The following PKD1 variants were observed in gnomAD, a reference collection of about 807,000 sequenced individuals.
PKD1 encodes polycystin 1, transient receptor potential channel interacting.
In PKD1, 81 loss-of-function variants were observed where a neutral mutation model predicts 361.7. The ratio of observed to expected loss-of-function variants is 0.22; its 90% CI spans 0.19 to 0.27. PKD1 has a LOEUF of 0.27. PKD1 is among the 10% of genes least tolerant of loss of function. PKD1 has a pLI of 1.00. For synonymous variants in PKD1, 3,615 were observed against 2,818.3 expected (o/e 1.28, Z -8.95); for missense variants, 6,399 against 6,118.3 (o/e 1.05, Z -1.53).
chr16:2,101,201 G>A (rs2151745111), intron 26 of PKD1, among the ~76,000 whole-genome samples: 1 of 152,210 alleles, frequency 6.6e-6, no homozygotes, highest in East Asian at 1.9e-4. Context: ...TAGCCAGGAT[G>A]GTCTCGATCT....
rs2091292629 is a variant in PKD1, at chr16:2,088,994, C to A, written c.*733G>T. 3.7e-6 allele frequency: 1 copy of A among 266,912 alleles called. No individual in the cohort carries two copies. 16.5% of individuals were successfully genotyped at this position (266,912 alleles called of 1,614,324 possible). On this transcript the variant is annotated 3_prime_UTR_variant, in exon 46 of 46. Coordinates refer to ENST00000262304, the MANE Select transcript of PKD1 (RefSeq NM_001009944.3). ...TGACATGCCTAGTCCTGCTACTTGC[C>A]CAGACCTGATGCCAGCAGGCCTGGG...
Position 2,116,558 on chromosome 16 carries a change from C to T in PKD1, c.1693G>A (p.Gly565Ser), listed in dbSNP as rs376580933. The change falls in exon 8 of 46, where the codon GGC becomes AGC. Residue 565 changes from glycine (G) to serine (S), a missense_variant. Transcript: ENST00000262304. ...ACGGGCTCGTGCGGGGCTGAGAGGCCGTCCTGCTGTGCCAGAGGCGTCAGG... is the reference window on the plus strand; with the variant it reads ...ACGGGCTCGTGCGGGGCTGAGAGGCTGTCCTGCTGTGCCAGAGGCGTCAGG... The part of the protein sequence containing the change: ...GPLTPLAQQD[G>S]LSAPHEPVEV... The T allele has an allele frequency of 6.4e-6, 10 of 1,563,684 alleles. No homozygotes were observed. The highest frequency in any genetic ancestry group is 4.1e-5 in the African/African-American group (3 of 73,808).
chr16:2,108,160 A>C, intron 15 of PKD1, 92 bp downstream of exon 15: 1 of 1,471,702 alleles, frequency 6.8e-7, no homozygotes, highest in South Asian at 1.2e-5. Context: ...GGCACTGAGG[A>C]CGGGCCAGCC....
chr16:2,110,256 C>G lies in PKD1; in HGVS notation c.4911G>C (p.Val1637=), dbSNP rs1433571311. 1 of 1,612,308 alleles carries G rather than the reference C, an allele frequency of 6.2e-7. No homozygotes were observed. Residue 1637 remains valine, a synonymous_variant, in exon 15 of 46, where the codon GTG becomes GTC. Transcript: ENST00000262304. ...TGGGGAAGTAGCGGCCACCGCCCAC[C>G]ACCTGCAGCCCCTCTATGAGCTGCA... ...YVLQLIEGLQ[V]VGGGRYFPTN...
In PKD1 at chr16:2,089,187, G is replaced by GTGTT. The variant is rs1250555041; in HGVS notation, c.*536_*539dup. On this transcript the variant is annotated 3_prime_UTR_variant, in exon 46 of 46. Coordinates refer to ENST00000262304, the MANE Select transcript of PKD1 (RefSeq NM_001009944.3). ...CCACCACACCTACCAAGCGCAGCAG[G>GTGTT]TGTTGGGGGAGGCCAGCTCTGGGCG... is the stretch of plus-strand genomic sequence containing the variant. 1 of 174,974 alleles carries GTGTT rather than the reference G, an allele frequency of 5.7e-6. No homozygotes were observed. The highest frequency in any genetic ancestry group is 1.4e-4 in the South Asian group (1 of 7,036). 10.8% of individuals were successfully genotyped at this position (174,974 alleles called of 1,614,324 possible). A position where few individuals can be genotyped will look rare whatever the true frequency, so the allele number is the denominator to read the frequency against.
intron 10 of PKD1, 83 bp from the exon 11 acceptor site, chr16:2,115,008 C>T: frequency 6.6e-7 from 1 of 1,515,882 alleles, no homozygotes; most frequent in African/African-American, 1.4e-5. Flanking sequence ...GGTGGACACG[C>T]AGGGCTCCCC....
chr16:2,126,009 G>A (rs1192261090), intron 1 of PKD1, among the ~76,000 whole-genome samples: 1 of 152,086 alleles, frequency 6.6e-6, no homozygotes, highest in South Asian at 2.1e-4. Flanking sequence ...GATGGTGGGG[G>A]GGGGGGCAAG....
rs542591257 is a variant in PKD1, at chr16:2,128,670, G to A, written c.215+6805C>T. ...ACACAGAGGGCTCAGCGCGGAGCCCGGCGTGGCCACCGCGGGGAGAGGGTG... is the reference window on the plus strand; with the variant it reads ...ACACAGAGGGCTCAGCGCGGAGCCCAGCGTGGCCACCGCGGGGAGAGGGTG... On this transcript the variant is annotated intron_variant, in intron 1 of 45. Coordinates refer to ENST00000262304, the MANE Select transcript of PKD1 (RefSeq NM_001009944.3). Among the ~76,000 whole-genome samples the A allele has an allele frequency of 5.9e-5, 9 of 152,314 alleles. No individual in the cohort carries two copies. In the East Asian group the frequency reaches 1.4e-3, roughly 23 times the overall value.
chr16:2,102,740 T>C (rs1461119541), intron 24 of PKD1, 74 bp downstream of exon 24: 10 of 1,603,220 alleles, frequency 6.2e-6, no homozygotes, highest in South Asian at 4.4e-5. Flanking sequence ...GCCGTCCCCA[T>C]GGGGCCAGTA....
Position 2,115,575 on chromosome 16 carries a change from T to A in PKD1, c.1900A>T (p.Thr634Ser), listed in dbSNP as rs1052620773. 1 of 1,593,626 alleles carries A rather than the reference T, an allele frequency of 6.3e-7. No homozygotes were observed. Among genetic ancestry groups the A allele is most frequent in the African/African-American group, 1.4e-5 (1 of 73,866 alleles). Residue 634 changes from threonine to serine, a missense_variant, in exon 10 of 46, where the codon ACC (threonine) becomes TCC (serine). Thr to Ser is a moderately conservative substitution (Grantham distance 58, BLOSUM62 1). Transcript: ENST00000262304. ...GGCATGCACGCGGGGGCCAGCTGGG[T>A]CCTGTTGTCCGGGGACCTGCTCTCA... ...EPESRSPDNR[T>S]QLAPACMPGG...
rs745926227 is a variant in PKD1 at position 2,097,928 on chromosome 16, G to T, written c.10107C>A (p.Ser3369Arg). 1 of 1,603,648 alleles carries T rather than the reference G, an allele frequency of 6.2e-7. No individual in the cohort carries two copies. Among genetic ancestry groups the T allele is most frequent in the Non-Finnish European group, 8.5e-7 (1 of 1,173,732 alleles). The change falls in exon 31 of 46, where the codon AGC (serine) becomes AGA (arginine). Residue 3369 changes from serine to arginine, a missense_variant. Coordinates refer to ENST00000262304, the MANE Select transcript of PKD1 (RefSeq NM_001009944.3). The stretch of plus-strand genomic sequence containing the variant: ...TGTCCAGCACGGACGAGTCCAGGCA[G>T]CTGTCGATGTCCAGCACCTGCTGCC... Reference protein sequence around the residue: ...PAGQQVLDIDSCLDSSVLDSS... With the variant: ...PAGQQVLDIDRCLDSSVLDSS...
In PKD1 at chr16:2,093,058, G is replaced by C; in HGVS notation, c.11052C>G (p.Thr3684=). Residue 3684 remains threonine (T), a synonymous_variant, in exon 38 of 46, where the codon ACC becomes ACG. Coordinates refer to ENST00000262304, the MANE Select transcript of PKD1 (RefSeq NM_001009944.3). ...AGGCATCCCCATAGCTGGCCAGCAGGGTCACCAGCAGAAAAAGCATGTACA... is the reference window on the plus strand; with the variant it reads ...AGGCATCCCCATAGCTGGCCAGCAGCGTCACCAGCAGAAAAAGCATGTACA... ...LLVYMLFLLV[T]LLASYGDASC... 6.2e-7 allele frequency: 1 copy of C among 1,612,866 alleles called. No homozygotes were observed. The highest frequency in any genetic ancestry group is 1.3e-5 in the African/African-American group (1 of 75,038).
rs2092188575 is a variant in PKD1 at position 2,103,478 on chromosome 16, T to G, written c.8579A>C (p.Gln2860Pro). The G allele has an allele frequency of 6.2e-7, 1 of 1,601,446 alleles. No homozygotes were observed. Among genetic ancestry groups the G allele is most frequent in the Non-Finnish European group, 8.5e-7 (1 of 1,179,660 alleles). ...TGAGGCCAGCCGCTCGATGGGGATCTGGGCGCCGGCCTGTGTCTGGAATGC... is the reference window on the plus strand; with the variant it reads ...TGAGGCCAGCCGCTCGATGGGGATCGGGGCGCCGGCCTGTGTCTGGAATGC... ...SMAFQTQAGA[Q>P]IPIERLASER... The change falls in exon 23 of 46, where the codon CAG becomes CCG. Residue 2860 changes from glutamine (Q) to proline (P), a missense_variant. Transcript: ENST00000262304.
intron 8 of PKD1, 94 bp downstream of exon 8, chr16:2,116,435 C>G: frequency 1.4e-6 from 1 of 699,722 alleles, no homozygotes; most frequent in South Asian, 1.6e-5. Context: ...ATTAAGGCCC[C>G]CAAGTTTTTT....
intron 39 of PKD1, 109 bp from the exon 40 acceptor site, chr16:2,092,297 A>G (rs1455184018): frequency 2.8e-5 from 35 of 1,243,072 alleles, no homozygotes; most frequent in Non-Finnish European, 3.5e-5. Context: ...ACCCCAGGGA[A>G]CCCTCCCAGC....
chr16:2,091,537 G>C lies in PKD1; in HGVS notation c.11598C>G (p.Ala3866=). 1.3e-6 allele frequency: 2 copies of C among 1,506,310 alleles called. No homozygotes were observed. Among genetic ancestry groups the C allele is most frequent in the Non-Finnish European group, 1.8e-6 (2 of 1,141,062 alleles). 93.3% of individuals were successfully genotyped at this position (1,506,310 alleles called of 1,614,324 possible). ...CCGGGAACTCGAGGCGCAGCGTGAC[G>C]GCGGCGTGCAGCCCCACGGCCGGGC... ...RYSPAVGLHA[A]VTLRLEFPAA... is the part of the protein sequence containing the mutation. Residue 3866 remains alanine, a synonymous_variant, in exon 42 of 46, where the codon GCC becomes GCG. Transcript: ENST00000262304.
rs1351098350 is a variant in PKD1 at position 2,115,476 on chromosome 16, T to C, written c.1999A>G (p.Asn667Asp). ...DASCHPQACA[N>D]GCTSGPGLPG... ...AGCCCTGGCCCTGACGTGCAGCCATTGGCGCAGGCCTGGGGGTGGCAGGAG... is the reference window on the plus strand; with the variant it reads ...AGCCCTGGCCCTGACGTGCAGCCATCGGCGCAGGCCTGGGGGTGGCAGGAG... The change falls in exon 10 of 46, where the codon AAT becomes GAT. Residue 667 changes from asparagine (N) to aspartate (D), a missense_variant. Physicochemically the swap from Asn to Asp is conservative, Grantham distance 23 (BLOSUM62 1). Coordinates refer to ENST00000262304, the MANE Select transcript of PKD1 (RefSeq NM_001009944.3). 3.3e-5 allele frequency: 53 copies of C among 1,602,068 alleles called. No homozygotes were observed. Among genetic ancestry groups the C allele is most frequent in the Non-Finnish European group, 3.8e-5 (45 of 1,175,856 alleles).
intron 1 of PKD1, among the ~76,000 whole-genome samples, chr16:2,121,821 G>A (rs2092725940): frequency 6.6e-6 from 1 of 152,162 alleles, no homozygotes; most frequent in African/African-American, 2.4e-5. Context: ...TCCTGCCACG[G>A]GCCTCTACTT....
Position 2,088,763 on chromosome 16 carries a change from G to A in PKD1, c.*964C>T. ...GTCTGCTTGGTGCGGGGGTTGGGGGGGTGTCGAGGCTCTAGAAGCGGCCAT... is the reference window on the plus strand; with the variant it reads ...GTCTGCTTGGTGCGGGGGTTGGGGGAGTGTCGAGGCTCTAGAAGCGGCCAT... On this transcript the variant is annotated 3_prime_UTR_variant, in exon 46 of 46. Coordinates refer to ENST00000262304, the MANE Select transcript of PKD1 (RefSeq NM_001009944.3). 1.8e-6 allele frequency: 2 copies of A among 1,112,338 alleles called. No homozygotes were observed. The highest frequency in any genetic ancestry group is 2.5e-6 in the Non-Finnish European group (2 of 793,786). 68.9% of individuals were successfully genotyped at this position (1,112,338 alleles called of 1,614,324 possible). A position where few individuals can be genotyped will look rare whatever the true frequency, so the allele number is the denominator to read the frequency against.
Sources: gnomAD v4.1 joint callset for allele counts (sites outside exome capture counted in the v4.1 genomes callset) on GRCh38, gnomAD v4.1.1 for gene constraint, MANE v1.5 for transcripts, NCBI Gene and HGNC (gene_info 2026-07-23, HGNC 2026-07-21) for gene names.